MAGED1: variants seen among roughly 807,000 people sequenced by gnomAD.
MAGED1 encodes the protein melanoma-associated antigen D1.
MAGED1 carries 3 observed loss-of-function variants against 54.1 expected under a neutral mutation model. The ratio of observed to expected loss-of-function variants is 0.06; its 90% confidence interval spans 0.03 to 0.14. The LOEUF is 0.14. Among genes scored for constraint, MAGED1 ranks in the 10% least tolerant of loss-of-function variants. The probability of loss-of-function intolerance (pLI) is 1.00; values close to 1 mark genes in which losing one functional copy is unlikely to be tolerated. For missense variants in MAGED1, 485 were observed against 623.4 expected, an observed-to-expected ratio of 0.78 and a Z score of 2.36; for synonymous variants, 217 against 227.3, an observed-to-expected ratio of 0.95 and a Z score of 0.41.
intron 1 of MAGED1, among the ~76,000 whole-genome samples, chrX:51,806,874 G>A (rs1485997124): frequency 4.6e-5 from 5 of 109,190 alleles, no homozygotes; most frequent in African/African-American, 1.7e-4. Flanking sequence ...TGCAACCTTC[G>A]CCTCCCGGGT....
rs782794300 is a variant in MAGED1 at position 51,849,094 on chromosome X, C to A, written c.-36-45175C>A. Among the ~76,000 whole-genome samples the A allele has an allele frequency of 5.0e-3, 545 of 110,070 alleles. 6 individuals carry two copies. The highest frequency in any genetic ancestry group is 0.017 in the African/African-American group (513 of 30,299). ...AATTTCTTTTTGTAGAAAAGAAATT[C>A]TATTAGAAGAATGTAGGGATGTAAG... On this transcript the variant is annotated intron_variant, in intron 1 of 12. Coordinates refer to the MAGED1 transcript ENST00000375772.
At chrX:51,833,069 A>G (rs1926125034) in intron 1 of MAGED1, among the ~76,000 whole-genome samples, 1 of 111,284 alleles carries the variant, frequency 9.0e-6, no homozygotes, top group Admixed American at 9.6e-5. Flanking sequence ...TTGTAATGCA[A>G]TTTTCTTATA....
intron 1 of MAGED1, among the ~76,000 whole-genome samples, chrX:51,873,534 T>TGTGAGAGAGAGAGA (rs1557361798): frequency 2.2e-5 from 2 of 90,567 alleles, no homozygotes; most frequent in African/African-American, 8.3e-5. Flanking sequence ...TGTGTGTGTG[T>TGTGAGAGAGAGAGA]GAGAGAGAGA....
intron 1 of MAGED1, among the ~76,000 whole-genome samples, chrX:51,840,216 A>G (rs1557358312): frequency 9.0e-6 from 1 of 111,394 alleles, no homozygotes; most frequent in African/African-American, 3.3e-5. Flanking sequence ...TATTCTTCAT[A>G]AGATAGGTTA....
intron 1 of MAGED1, among the ~76,000 whole-genome samples, chrX:51,883,158 A>G (rs782532631): frequency 1.2e-4 from 13 of 111,298 alleles, no homozygotes; most frequent in Non-Finnish European, 1.5e-4. Flanking sequence ...GAGTGGGAAC[A>G]TTCTAGTCCC....
At chrX:51,859,003 G>T (rs1440758279) in intron 1 of MAGED1, among the ~76,000 whole-genome samples, 4 of 111,678 alleles carry the variant, frequency 3.6e-5, no homozygotes, top group African/African-American at 1.3e-4. Context: ...CTTCAAGGAG[G>T]CAGTGTGCTA....
chrX:51,874,015 T>TA (rs1927783679), intron 1 of MAGED1, among the ~76,000 whole-genome samples: 1 of 111,163 alleles, frequency 9.0e-6, no homozygotes, highest in Non-Finnish European at 1.9e-5. Context: ...AACAGTTTCT[T>TA]AGTAAGGAAA....
intron 1 of MAGED1, among the ~76,000 whole-genome samples, chrX:51,867,568 G>T (rs1927500851): frequency 9.0e-6 from 1 of 111,578 alleles, no homozygotes; most frequent in African/African-American, 3.3e-5. Flanking sequence ...TGATTAGATT[G>T]TGCCCACCAG....
In MAGED1 at chrX:51,873,204, G is replaced by A. The variant is rs1198937218; in HGVS notation, c.-36-21065G>A. On this transcript the variant is annotated intron_variant, in intron 1 of 12. Transcript: ENST00000375772. ...GTGAAAGAGAGTGAGCAAGAGTAGG[G>A]AAAACTGCCTTATAAAACCATCAGA... is the stretch of plus-strand genomic sequence containing the variant. Among the ~76,000 whole-genome samples, 8 of 110,709 alleles carry A rather than the reference G, an allele frequency of 7.2e-5. 1 individual carries two copies. The South Asian group carries it at 1.9e-3, about 27-fold the overall frequency.
chrX:51,818,920 G>T (rs1436222498), intron 1 of MAGED1, among the ~76,000 whole-genome samples: 1 of 112,135 alleles, frequency 8.9e-6, no homozygotes, highest in Admixed American at 9.4e-5. Context: ...AGGCATCATT[G>T]ATAGTGATGA....
At chrX:51,884,167 G>T (rs782198496) in intron 1 of MAGED1, among the ~76,000 whole-genome samples, 1 of 111,164 alleles carries the variant, frequency 9.0e-6, no homozygotes, top group African/African-American at 3.3e-5. Flanking sequence ...AGTGATTCAA[G>T]AAGCTGAGCA....
chrX:51,883,989 A>T, intron 1 of MAGED1, among the ~76,000 whole-genome samples: 1 of 111,547 alleles, frequency 9.0e-6, no homozygotes, highest in East Asian at 2.8e-4. Context: ...CAAAACAACA[A>T]CAACAAAAAA....
At chrX:51,854,121 C>T (rs1005397670) in intron 1 of MAGED1, among the ~76,000 whole-genome samples, 39 of 111,937 alleles carry the variant, frequency 3.5e-4, no homozygotes, top group Middle Eastern at 4.6e-3. Context: ...CCATCTATCT[C>T]CCTGTCTCTT....
At chrX:51,826,676 A>C (rs1557356985) in intron 1 of MAGED1, among the ~76,000 whole-genome samples, 1 of 112,549 alleles carries the variant, frequency 8.9e-6, no homozygotes, top group African/African-American at 3.2e-5. Context: ...AAGTTAAAAA[A>C]GATACCACTA....
At chrX:51,887,909 G>A (rs1928297389) in intron 1 of MAGED1, among the ~76,000 whole-genome samples, 1 of 109,634 alleles carries the variant, frequency 9.1e-6, no homozygotes, top group African/African-American at 3.3e-5. Flanking sequence ...TCTGCAATCT[G>A]GGAGAAAGTA....
At chrX:51,804,637 T>G (rs1244864586) in intron 1 of MAGED1, among the ~76,000 whole-genome samples, 2 of 111,169 alleles carry the variant, frequency 1.8e-5, no homozygotes, top group African/African-American at 6.6e-5. Flanking sequence ...AGACAATAAC[T>G]TAATATATAA....
At chrX:51,871,162 C>T (rs1225716265) in intron 1 of MAGED1, among the ~76,000 whole-genome samples, 2 of 112,033 alleles carry the variant, frequency 1.8e-5, no homozygotes, top group Non-Finnish European at 3.8e-5. Flanking sequence ...TCCATTTCTC[C>T]TCAAGAAGAG....
chrX:51,889,573 A>G (rs782683612), upstream of MAGED1, among the ~76,000 whole-genome samples: 34 of 95,493 alleles, frequency 3.6e-4, no homozygotes, highest in African/African-American at 1.3e-3. Context: ...GGTTGTAGTG[A>G]GCTGAGATCA....
chrX:51,851,169 C>T (rs781791274), intron 1 of MAGED1, among the ~76,000 whole-genome samples: 2 of 111,734 alleles, frequency 1.8e-5, no homozygotes, highest in East Asian at 5.7e-4. Flanking sequence ...CACTTAACTT[C>T]TCAGAGTTTC....
Sources: gnomAD v4.1 joint callset for allele counts (sites outside exome capture counted in the v4.1 genomes callset) on GRCh38, gnomAD v4.1.1 for gene constraint, MANE v1.5 for transcripts, NCBI Gene and HGNC (gene_info 2026-07-23, HGNC 2026-07-21) for gene names.